The following RALGPS1 variants were observed in gnomAD, a reference collection of about 807,000 sequenced individuals.
RALGPS1 encodes Ral GEF with PH domain and SH3 binding motif 1.
In RALGPS1, 19 loss-of-function variants were observed where a neutral mutation model predicts 78.8. The ratio of observed to expected loss-of-function variants is 0.24; its 90% CI spans 0.17 to 0.35. RALGPS1 has a LOEUF of 0.35. Among genes scored for constraint, RALGPS1 ranks in the 10% least tolerant of loss-of-function variants. The pLI is 1.00. For missense variants in RALGPS1, 454 were observed against 688.3 expected, an observed-to-expected ratio of 0.66 and a Z score of 3.81; for synonymous variants, 228 against 256.3, an observed-to-expected ratio of 0.89 and a Z score of 1.06.
chr9:127,136,294 G>A (rs1020587534), intron 8 of RALGPS1, among the ~76,000 whole-genome samples: 2 of 152,210 alleles, frequency 1.3e-5, no homozygotes, highest in Non-Finnish European at 2.9e-5. Context: ...TAGACCTGCC[G>A]GCACTGCCAG....
At chr9:127,188,833 A>G (rs73597290) in intron 11 of RALGPS1, among the ~76,000 whole-genome samples, 2 of 44,488 alleles carry the variant, frequency 4.5e-5, no homozygotes, top group Non-Finnish European at 9.8e-5. Flanking sequence ...CATCTCTACT[A>G]AAAAAAAAAA....
In RALGPS1 at chr9:127,141,927, A is replaced by G. The variant is rs149951012; in HGVS notation, c.611-24142A>G. Among the ~76,000 whole-genome samples, 69 of 152,292 alleles carry G rather than the reference A, an allele frequency of 4.5e-4. 1 individual carries two copies. The East Asian group carries it at 0.011, about 25-fold the overall frequency. ...GGTTATGTATTCAATAAATTATTCA[A>G]TAATAGTATGTTTTCAATAATCATG... On this transcript the variant is annotated intron_variant, in intron 8 of 18. Coordinates refer to ENST00000259351, the MANE Select transcript of RALGPS1 (RefSeq NM_014636.3).
At chr9:127,093,239 C>T (rs2136470132) in intron 8 of RALGPS1, among the ~76,000 whole-genome samples, 1 of 152,234 alleles carries the variant, frequency 6.6e-6, no homozygotes, top group Non-Finnish European at 1.5e-5. Context: ...CCCTGGGAAC[C>T]AGGGAGCCCA....
chr9:126,956,319 C>A (rs1304610833), intron 1 of RALGPS1, among the ~76,000 whole-genome samples: 1 of 152,098 alleles, frequency 6.6e-6, no homozygotes, highest in Non-Finnish European at 1.5e-5. Context: ...CTCAGCCAGG[C>A]CTCAGGGACT....
At chr9:127,195,607 G>C (rs1390064561) in intron 12 of RALGPS1, among the ~76,000 whole-genome samples, 1 of 152,214 alleles carries the variant, frequency 6.6e-6, no homozygotes, top group Non-Finnish European at 1.5e-5. Flanking sequence ...GTTTCTCATG[G>C]CATCTGCCTA....
intron 1 of RALGPS1, among the ~76,000 whole-genome samples, chr9:126,940,441 A>T (rs1475901273): frequency 5.2e-5 from 7 of 134,810 alleles, no homozygotes; most frequent in East Asian, 2.2e-4. Context: ...TATATATATA[A>T]TTTTTTTTTT....
intron 7 of RALGPS1, among the ~76,000 whole-genome samples, chr9:127,056,634 T>C (rs1182402883): frequency 6.6e-6 from 1 of 152,182 alleles, no homozygotes; most frequent in Non-Finnish European, 1.5e-5. Flanking sequence ...CTGTCTGTAT[T>C]CTTGATGCAC....
Position 127,195,124 on chromosome 9 carries a change from G to T in RALGPS1, c.944G>T (p.Ser315Ile). 1 of 1,613,428 alleles carries T rather than the reference G, an allele frequency of 6.2e-7. No individual in the cohort carries two copies. ...GCTGGCTCCGGTTCTGCGAGGTTCA[G>T]CCGGAGGCCCACCTGTCCTGACACA... ...PSAGSGSARF[S>I]RRPTCPDTSV... Residue 315 changes from serine to isoleucine, a missense_variant, in exon 12 of 19, where the codon AGC becomes ATC. Coordinates refer to ENST00000259351, the MANE Select transcript of RALGPS1 (RefSeq NM_014636.3).
intron 4 of RALGPS1, among the ~76,000 whole-genome samples, chr9:126,991,326 C>T (rs1309721084): frequency 1.3e-5 from 2 of 152,178 alleles, no homozygotes; most frequent in African/African-American, 4.8e-5. Context: ...GGAGTCTGAA[C>T]TGGCTGCACA....
intron 8 of RALGPS1, among the ~76,000 whole-genome samples, chr9:127,147,823 G>T (rs1191734932): frequency 6.6e-6 from 1 of 152,178 alleles, no homozygotes; most frequent in Non-Finnish European, 1.5e-5. Context: ...AGTCACTGGT[G>T]GTGGTGTTAT....
chr9:127,109,407 A>C (rs1015351191), intron 8 of RALGPS1, among the ~76,000 whole-genome samples: 14 of 152,252 alleles, frequency 9.2e-5, no homozygotes, highest in Admixed American at 1.3e-4. Context: ...TATGGAATAC[A>C]TTCAGGGTTT....
chr9:126,955,253 C>G (rs908930590), intron 1 of RALGPS1, among the ~76,000 whole-genome samples: 7 of 152,230 alleles, frequency 4.6e-5, no homozygotes, highest in African/African-American at 1.4e-4. Flanking sequence ...CCTTCTGTGC[C>G]TGCCCACCTT....
chr9:127,201,331 G>A (rs2061620076), intron 14 of RALGPS1, among the ~76,000 whole-genome samples: 2 of 152,194 alleles, frequency 1.3e-5, no homozygotes, highest in Admixed American at 1.3e-4. Flanking sequence ...TTTTGGCCCA[G>A]CCCCACCTTG....
intron 1 of RALGPS1, among the ~76,000 whole-genome samples, chr9:126,960,324 C>G (rs1016091413): frequency 1.3e-5 from 2 of 151,200 alleles, no homozygotes; most frequent in African/African-American, 4.9e-5. Flanking sequence ...ACCTCCGCCT[C>G]CCGGGTTCAA....
chr9:127,176,728 T>TC (rs2059900835), intron 11 of RALGPS1, among the ~76,000 whole-genome samples: 1 of 152,176 alleles, frequency 6.6e-6, no homozygotes. Context: ...AATACCCATC[T>TC]CCCGGTGCCC....
At chr9:126,962,813 A>G (rs2039031426) in intron 2 of RALGPS1, among the ~76,000 whole-genome samples, 1 of 152,142 alleles carries the variant, frequency 6.6e-6, no homozygotes, top group Admixed American at 6.5e-5. Flanking sequence ...TGAGAGTTTG[A>G]TTTCCATGCT....
intron 1 of RALGPS1, among the ~76,000 whole-genome samples, chr9:126,940,424 G>C (rs889615926): frequency 2.7e-5 from 4 of 148,128 alleles, no homozygotes; most frequent in Non-Finnish European, 4.4e-5. Flanking sequence ...CATTGGGCAG[G>C]TGTATGTATA....
chr9:127,088,716 A>G, intron 8 of RALGPS1: 2 of 594,552 alleles, frequency 3.4e-6, no homozygotes, highest in Non-Finnish European at 6.0e-6. Flanking sequence ...CCTGTCCTGG[A>G]GACATGAGGG....
chr9:126,979,509 C>G (rs2041034451), intron 4 of RALGPS1, among the ~76,000 whole-genome samples: 1 of 152,198 alleles, frequency 6.6e-6, no homozygotes, highest in African/African-American at 2.4e-5. Flanking sequence ...TAGCTCTGAT[C>G]TGGAGCAGTT....
Sources: allele counts gnomAD v4.1 joint callset (sites outside exome capture counted in the v4.1 genomes callset), GRCh38; gene constraint gnomAD v4.1.1; transcripts MANE v1.5; gene names NCBI Gene and HGNC (gene_info 2026-07-23, HGNC 2026-07-21).